The following KCNAB1 variants were observed in gnomAD, a reference collection of about 807,000 sequenced individuals.
The protein encoded by KCNAB1 is potassium voltage-gated channel subfamily A regulatory beta subunit 1.
A neutral mutation model predicts 64.6 loss-of-function variants in KCNAB1; 35 were observed. That is an observed-to-expected ratio of 0.54 (90% CI 0.41 to 0.72). The LOEUF (loss-of-function observed/expected upper bound fraction) is 0.72. KCNAB1 is among the 30% of genes least tolerant of loss of function. The probability of loss-of-function intolerance (pLI) is 0.00; values close to 1 mark genes in which losing one functional copy is unlikely to be tolerated. For missense variants in KCNAB1, 401 were observed against 512.9 expected, an observed-to-expected ratio of 0.78 and a Z score of 2.11; for synonymous variants, 177 against 183.8, an observed-to-expected ratio of 0.96 and a Z score of 0.30.
At chr3:156,535,289 T>C (rs1718976785) in intron 13 of KCNAB1, among the ~76,000 whole-genome samples, 1 of 152,118 alleles carries the variant, frequency 6.6e-6, no homozygotes, top group African/African-American at 2.4e-5. Context: ...AAGAATGAGG[T>C]TGAAACCTCA....
chr3:156,387,853 A>G (rs1712729554), intron 1 of KCNAB1, among the ~76,000 whole-genome samples: 1 of 152,242 alleles, frequency 6.6e-6, no homozygotes, highest in Non-Finnish European at 1.5e-5. Context: ...CCAAACCATT[A>G]TAGAAGAAAA....
chr3:156,380,568 G>A (rs57671537), intron 1 of KCNAB1, among the ~76,000 whole-genome samples: 4,199 of 152,156 alleles, frequency 0.028, 202 homozygotes, highest in African/African-American at 0.095. Context: ...CCAGGTAGAG[G>A]GATCAGCCTG....
chr3:156,176,051 A>C, intron 1 of KCNAB1: 1 of 773,858 alleles, frequency 1.3e-6, no homozygotes, highest in Non-Finnish European at 2.4e-6. Context: ...GACCAAGAAC[A>C]TCTTAGAAGG....
At chr3:156,224,460 C>T (rs532307380) in intron 1 of KCNAB1, among the ~76,000 whole-genome samples, 6 of 152,356 alleles carry the variant, frequency 3.9e-5, no homozygotes, top group Non-Finnish European at 7.3e-5. Flanking sequence ...GCGAGGGCTG[C>T]GAGGGCTGCC....
In KCNAB1 at chr3:156,246,942, T is replaced by G. The variant is rs1717492178; in HGVS notation, c.275+126056T>G. 2.6e-5 allele frequency among the ~76,000 whole-genome samples: 4 copies of G among 152,246 alleles called. No individual in the cohort carries two copies. In the South Asian group the frequency reaches 8.3e-4, roughly 32 times the overall value. Reference sequence around the variant, plus strand: ...TGGTGCTGATTTAGAGCATGAGAACTATATCATTATAAATTCAGATTGGAA... The same window carrying G: ...TGGTGCTGATTTAGAGCATGAGAACGATATCATTATAAATTCAGATTGGAA... On this transcript the variant is annotated intron_variant, in intron 1 of 13. Coordinates refer to ENST00000490337, the MANE Select transcript of KCNAB1 (RefSeq NM_172160.3).
chr3:156,350,853 G>A (rs967709433), intron 1 of KCNAB1, among the ~76,000 whole-genome samples: 4 of 152,220 alleles, frequency 2.6e-5, no homozygotes. Flanking sequence ...ATGATTCCTA[G>A]TACTTGCTGT....
intron 1 of KCNAB1, among the ~76,000 whole-genome samples, chr3:156,304,532 A>G (rs1007713722): frequency 2.6e-5 from 4 of 152,232 alleles, no homozygotes; most frequent in African/African-American, 9.6e-5. Flanking sequence ...GTATGTTTAT[A>G]CTAATAGTGA....
intron 2 of KCNAB1, among the ~76,000 whole-genome samples, chr3:156,443,238 C>T (rs369582262): frequency 6.6e-6 from 1 of 152,036 alleles, no homozygotes. Context: ...TGTGTTGTTC[C>T]GCTAAACAAT....
At chr3:156,314,091 T>A (rs944201184) in intron 1 of KCNAB1, among the ~76,000 whole-genome samples, 1 of 152,252 alleles carries the variant, frequency 6.6e-6, no homozygotes, top group Non-Finnish European at 1.5e-5. Context: ...TATCTGCCAA[T>A]TCATTAGTAA....
intron 1 of KCNAB1, among the ~76,000 whole-genome samples, chr3:156,202,502 G>A (rs912135973): frequency 2.0e-5 from 3 of 152,284 alleles, no homozygotes; most frequent in African/African-American, 4.8e-5. Context: ...CCCTCAGTGG[G>A]AGATGTTCTT....
chr3:156,532,773 C>G (rs372351277), intron 13 of KCNAB1, among the ~76,000 whole-genome samples: 15 of 152,194 alleles, frequency 9.9e-5, no homozygotes, highest in African/African-American at 3.6e-4. Context: ...GGAATTCTCC[C>G]TCTTATGTTC....
intron 1 of KCNAB1, among the ~76,000 whole-genome samples, chr3:156,324,849 C>T (rs1722871049): frequency 1.3e-5 from 2 of 152,142 alleles, no homozygotes; most frequent in Non-Finnish European, 2.9e-5. Context: ...GAATCCAGTT[C>T]TTGAGAGTGT....
At chr3:156,218,246 G>A (rs1242280866) in intron 1 of KCNAB1, among the ~76,000 whole-genome samples, 2 of 152,092 alleles carry the variant, frequency 1.3e-5, no homozygotes, top group South Asian at 2.1e-4. Context: ...CTGGTGACCC[G>A]TATGACTCAG....
intron 1 of KCNAB1, among the ~76,000 whole-genome samples, chr3:156,158,176 TAAA>T (rs1293018977): frequency 0.025 from 773 of 31,308 alleles, 17 homozygotes; most frequent in East Asian, 0.09. Context: ...AAAAAAAAAA[TAAA>T]AAATAAATAA....
intron 1 of KCNAB1, among the ~76,000 whole-genome samples, chr3:156,332,102 T>A (rs1392651330): frequency 1.3e-5 from 2 of 152,198 alleles, no homozygotes; most frequent in Non-Finnish European, 1.5e-5. Context: ...ACTTGACACA[T>A]TTTATACAAA....
chr3:156,119,221 G>A (rs910844792), upstream of KCNAB1, among the ~76,000 whole-genome samples: 3 of 152,198 alleles, frequency 2.0e-5, no homozygotes, highest in Admixed American at 2.0e-4. Context: ...CTAAGGGCAA[G>A]TGAAAGGGGG....
chr3:156,163,231 A>G (rs1158935119), intron 1 of KCNAB1, among the ~76,000 whole-genome samples: 1 of 152,228 alleles, frequency 6.6e-6, no homozygotes, highest in East Asian at 1.9e-4. Context: ...GGCAGTGCAG[A>G]TATAAAACAG....
intron 1 of KCNAB1, among the ~76,000 whole-genome samples, chr3:156,263,770 C>A (rs1189587298): frequency 6.6e-6 from 1 of 152,096 alleles, no homozygotes; most frequent in Non-Finnish European, 1.5e-5. Context: ...ATACCTAATA[C>A]AATGTAAATG....
chr3:156,509,398 G>A (rs956949945), intron 8 of KCNAB1, among the ~76,000 whole-genome samples: 2 of 152,160 alleles, frequency 1.3e-5, no homozygotes, highest in African/African-American at 4.8e-5. Context: ...TGCTGCTGCT[G>A]CTGCTGCTGG....
Sources: gnomAD v4.1 joint callset for allele counts (sites outside exome capture counted in the v4.1 genomes callset) on GRCh38, gnomAD v4.1.1 for gene constraint, MANE v1.5 for transcripts, NCBI Gene and HGNC (gene_info 2026-07-23, HGNC 2026-07-21) for gene names.